Variants in CFAP299 observed in about 807,000 individuals in gnomAD.
The protein encoded by CFAP299 is cilia- and flagella-associated protein 299.
Under a neutral mutation model 27.0 loss-of-function variants are expected in CFAP299, and 21 were observed. That is an observed-to-expected ratio of 0.78 (90% CI 0.55 to 1.12). CFAP299 has a LOEUF of 1.12. CFAP299 is among the 50% of genes most tolerant of loss of function. The pLI is 0.00. For synonymous variants in CFAP299, 104 were observed against 98.1 expected (o/e 1.06, Z -0.36); for missense variants, 310 against 276.6 (o/e 1.12, Z -0.86).
intron 3 of CFAP299, among the ~76,000 whole-genome samples, chr4:80,624,410 T>C (rs1384267803): frequency 6.6e-6 from 1 of 151,370 alleles, no homozygotes; most frequent in East Asian, 1.9e-4. Flanking sequence ...AAAGGATCTG[T>C]GAAACTGAAG....
intron 2 of CFAP299, among the ~76,000 whole-genome samples, chr4:80,544,939 C>G (rs1734157881): frequency 6.6e-6 from 1 of 152,280 alleles, no homozygotes; most frequent in Admixed American, 6.5e-5. Flanking sequence ...GGCACATACT[C>G]TAAGATCAAT....
chr4:80,832,825 T>C (rs529676794), intron 3 of CFAP299, among the ~76,000 whole-genome samples: 100 of 152,158 alleles, frequency 6.6e-4, no homozygotes, highest in Non-Finnish European at 1.2e-3. Context: ...AATTGCCACT[T>C]TATGTTTACA....
At chr4:80,512,077 C>T (rs946059154) in intron 2 of CFAP299, among the ~76,000 whole-genome samples, 33 of 152,090 alleles carry the variant, frequency 2.2e-4, no homozygotes, top group African/African-American at 7.7e-4. Context: ...TTAAGTCGTT[C>T]AACTCTTTCA....
intron 4 of CFAP299, among the ~76,000 whole-genome samples, chr4:80,883,635 A>G (rs1733826249): frequency 6.6e-6 from 1 of 152,160 alleles, no homozygotes; most frequent in African/African-American, 2.4e-5. Context: ...AGGAGTGTCT[A>G]ATCTTATATT....
intron 2 of CFAP299, among the ~76,000 whole-genome samples, chr4:80,567,426 T>C (rs1219987332): frequency 6.6e-6 from 1 of 152,072 alleles, no homozygotes; most frequent in Non-Finnish European, 1.5e-5. Flanking sequence ...TCACTGTATT[T>C]CAAAAATTCT....
At chr4:80,604,837 T>C (rs757671698) in intron 3 of CFAP299, among the ~76,000 whole-genome samples, 2 of 149,550 alleles carry the variant, frequency 1.3e-5, no homozygotes, top group East Asian at 2.0e-4. Flanking sequence ...GCAGGATGGA[T>C]AGATATTAAT....
intron 2 of CFAP299, among the ~76,000 whole-genome samples, chr4:80,581,558 T>C (rs1207730489): frequency 6.7e-6 from 1 of 148,532 alleles, no homozygotes; most frequent in Non-Finnish European, 1.5e-5. Flanking sequence ...AAGAGCTACA[T>C]TTCTAGATCA....
intron 3 of CFAP299, among the ~76,000 whole-genome samples, chr4:80,857,648 C>T (rs1483890329): frequency 1.3e-5 from 2 of 152,178 alleles, no homozygotes; most frequent in African/African-American, 4.8e-5. Context: ...GCCTTTTCTG[C>T]ATCTATTGAG....
At chr4:80,561,466 T>C (rs1162382026) in intron 2 of CFAP299, among the ~76,000 whole-genome samples, 1 of 152,056 alleles carries the variant, frequency 6.6e-6, no homozygotes, top group African/African-American at 2.4e-5. Flanking sequence ...TCAAATGAAC[T>C]AAATAAGGTA....
intron 2 of CFAP299, among the ~76,000 whole-genome samples, chr4:80,383,340 A>G (rs932266299): frequency 1.3e-5 from 2 of 148,930 alleles, no homozygotes; most frequent in African/African-American, 4.9e-5. Context: ...ATATAAAATG[A>G]AAGTTTAAAA....
Position 80,379,135 on chromosome 4 carries a change from T to A in CFAP299, c.242+16251T>A, listed in dbSNP as rs538335308. 1.9e-4 allele frequency among the ~76,000 whole-genome samples: 29 copies of A among 152,156 alleles called. No homozygotes were observed. The South Asian group carries it at 5.8e-3, about 30-fold the overall frequency. On this transcript the variant is annotated intron_variant, in intron 2 of 5. Coordinates refer to ENST00000358105, the MANE Select transcript of CFAP299 (RefSeq NM_152770.3). ...TTTTTAAAATAGATAATAGGGAAAA[T>A]CAGGTTCTTTCTTTCAAAATATGTT... is the stretch of plus-strand genomic sequence containing the variant.
chr4:80,873,207 A>G (rs1242266355), intron 4 of CFAP299: 1 of 162,404 alleles, frequency 6.2e-6, no homozygotes, highest in Admixed American at 6.5e-5. Flanking sequence ...TTGATTCAGA[A>G]CTAAAGCCAA....
intron 3 of CFAP299, among the ~76,000 whole-genome samples, chr4:80,707,668 C>T (rs1578043627): frequency 6.6e-6 from 1 of 152,032 alleles, no homozygotes; most frequent in Non-Finnish European, 1.5e-5. Flanking sequence ...CAATACCTCA[C>T]CTTGCCAAGT....
chr4:80,684,717 T>C (rs1720076906), intron 3 of CFAP299, among the ~76,000 whole-genome samples: 1 of 152,202 alleles, frequency 6.6e-6, no homozygotes, highest in South Asian at 2.1e-4. Flanking sequence ...GGATACAGTT[T>C]AACCACTATT....
chr4:80,641,582 G>A (rs1397801548), intron 3 of CFAP299, among the ~76,000 whole-genome samples: 1 of 152,078 alleles, frequency 6.6e-6, no homozygotes, highest in African/African-American at 2.4e-5. Flanking sequence ...ATCAACTTAG[G>A]TTAACAACTT....
At chr4:80,635,691 T>A (rs1250727749) in intron 3 of CFAP299, among the ~76,000 whole-genome samples, 1 of 152,134 alleles carries the variant, frequency 6.6e-6, no homozygotes, top group East Asian at 1.9e-4. Context: ...TTTTACATGA[T>A]CACTTACCTT....
chr4:80,766,750 TGA>T (rs748985915), intron 3 of CFAP299, among the ~76,000 whole-genome samples: 1 of 152,172 alleles, frequency 6.6e-6, no homozygotes, highest in Non-Finnish European at 1.5e-5. Context: ...TAGGATTTTG[TGA>T]GTGTCAGAGA....
chr4:80,663,074 TTAA>T (rs962612806), intron 3 of CFAP299, among the ~76,000 whole-genome samples: 16 of 152,086 alleles, frequency 1.1e-4, no homozygotes, highest in African/African-American at 2.2e-4. Context: ...TATTTTTATA[TTAA>T]TAATCAGTTG....
chr4:80,413,375 CA>C (rs1434385571), intron 2 of CFAP299, among the ~76,000 whole-genome samples: 1 of 152,222 alleles, frequency 6.6e-6, no homozygotes, highest in Non-Finnish European at 1.5e-5. Flanking sequence ...TCACCTGTGA[CA>C]CCTTTCAGGG....
Sources: allele counts gnomAD v4.1 joint callset (sites outside exome capture counted in the v4.1 genomes callset), GRCh38; gene constraint gnomAD v4.1.1; transcripts MANE v1.5; gene names NCBI Gene and HGNC (gene_info 2026-07-23, HGNC 2026-07-21).